Variants in PRKN observed in about 807,000 individuals in gnomAD.
PRKN encodes E3 ubiquitin-protein ligase parkin.
PRKN carries 56 observed loss-of-function variants against 59.5 expected under a neutral mutation model. The observed-to-expected ratio is 0.94, with a 90% CI of 0.76 to 1.18. PRKN has a LOEUF of 1.18. Ranked by LOEUF, PRKN falls within the 50% of genes most tolerant of loss-of-function variation. The pLI, the probability that PRKN is intolerant of heterozygous loss-of-function variation, is 0.00. For missense variants in PRKN, 657 were observed against 596.4 expected (o/e 1.10, Z -1.06); for synonymous variants, 250 against 222.1 (o/e 1.13, Z -1.12).
intron 7 of PRKN, among the ~76,000 whole-genome samples, chr6:161,620,157 A>AT (rs1226074668): frequency 0.029 from 3,972 of 135,604 alleles, 96 homozygotes; most frequent in African/African-American, 0.071. Context: ...TGCCCAGCTA[A>AT]TTTTTTTTTT....
At chr6:162,415,756 G>T (rs947211448) in intron 2 of PRKN, among the ~76,000 whole-genome samples, 4 of 152,140 alleles carry the variant, frequency 2.6e-5, no homozygotes, top group Admixed American at 6.5e-5. Context: ...GGCAGAGGAT[G>T]CAGTGAGCCC....
chr6:161,565,320 C>T (rs1780600210), intron 8 of PRKN, among the ~76,000 whole-genome samples: 1 of 152,068 alleles, frequency 6.6e-6, no homozygotes, highest in South Asian at 2.1e-4. Flanking sequence ...AACCATTTCC[C>T]AAGTTTATTC....
At chr6:161,537,149 A>T (rs1779443861) in intron 9 of PRKN, among the ~76,000 whole-genome samples, 1 of 152,258 alleles carries the variant, frequency 6.6e-6, no homozygotes, top group South Asian at 2.1e-4. Flanking sequence ...CTTTCCAAAT[A>T]GCAGCTATCT....
At chr6:162,147,253 G>T (rs1212365585) in intron 4 of PRKN, among the ~76,000 whole-genome samples, 2 of 147,514 alleles carry the variant, frequency 1.4e-5, no homozygotes, top group African/African-American at 5.0e-5. Flanking sequence ...TAAGGTGGGA[G>T]AATCATTTGA....
chr6:162,410,653 T>C (rs938326066), intron 2 of PRKN, among the ~76,000 whole-genome samples: 48 of 152,332 alleles, frequency 3.2e-4, no homozygotes, highest in African/African-American at 1.1e-3. Flanking sequence ...AATTTTTCCC[T>C]GTCATTTACA....
chr6:161,611,822 T>C (rs1315195039), intron 7 of PRKN, among the ~76,000 whole-genome samples: 7 of 152,212 alleles, frequency 4.6e-5, no homozygotes, highest in Admixed American at 1.3e-4. Context: ...TGTCAAGTTC[T>C]AGATCTCTTG....
At chr6:161,382,883 C>T (rs992115140) in intron 10 of PRKN, among the ~76,000 whole-genome samples, 20 of 152,162 alleles carry the variant, frequency 1.3e-4, no homozygotes, top group African/African-American at 4.8e-4. Flanking sequence ...GCTCTCCTGG[C>T]TGGAGCATGT....
At chr6:161,624,811 T>C (rs1413881450) in intron 7 of PRKN, among the ~76,000 whole-genome samples, 1 of 152,252 alleles carries the variant, frequency 6.6e-6, no homozygotes, top group African/African-American at 2.4e-5. Flanking sequence ...AAAGGAATGA[T>C]GCTGCTACTA....
intron 1 of PRKN, among the ~76,000 whole-genome samples, chr6:162,690,072 T>C (rs1207521952): frequency 2.6e-4 from 6 of 23,346 alleles, no homozygotes; most frequent in Non-Finnish European, 5.4e-4. Context: ...TGAAGATATA[T>C]TGTTATTAGA....
chr6:162,138,567 T>TA (rs1193843022), intron 4 of PRKN, among the ~76,000 whole-genome samples: 1 of 151,746 alleles, frequency 6.6e-6, no homozygotes, highest in African/African-American at 2.4e-5. Flanking sequence ...ATCAATCAAT[T>TA]AAAAAAGATC....
At chr6:161,934,941 A>G (rs1779298505) in intron 6 of PRKN, among the ~76,000 whole-genome samples, 1 of 152,132 alleles carries the variant, frequency 6.6e-6, no homozygotes, top group Non-Finnish European at 1.5e-5. Context: ...CAACTTATAA[A>G]TAGATGCTAG....
rs1789400328 is a variant in PRKN, at chr6:161,444,596, G to A, written c.1084-57719C>T. Among the ~76,000 whole-genome samples, 1 of 152,238 alleles carries A rather than the reference G, an allele frequency of 6.6e-6. No homozygotes were observed. The highest frequency in any genetic ancestry group is 2.4e-5 in the African/African-American group (1 of 41,458). On this transcript the variant is annotated intron_variant, in intron 9 of 11. Transcript: ENST00000366898. This position sits in a 1 kb window ranked among gnomAD's most constrained non-coding sequence, Gnocchi z 5.6. ...AGCAAATATTAATTGACGTGGTGAG[G>A]TTGTGCTCTGAAAAGCTGAGTTCCT...
intron 7 of PRKN, among the ~76,000 whole-genome samples, chr6:161,603,539 C>T (rs55868193): frequency 0.014 from 2,198 of 152,258 alleles, 58 homozygotes; most frequent in African/African-American, 0.048. Context: ...AATTTTAATA[C>T]GCCTTAGTTT....
At chr6:162,185,851 T>C (rs1206222680) in intron 4 of PRKN, among the ~76,000 whole-genome samples, 1 of 152,148 alleles carries the variant, frequency 6.6e-6, no homozygotes, top group Non-Finnish European at 1.5e-5. Flanking sequence ...TTTAAAATAT[T>C]TTAAATGCCT....
intron 4 of PRKN, among the ~76,000 whole-genome samples, chr6:162,139,015 G>C (rs748474051): frequency 6.6e-6 from 1 of 152,198 alleles, no homozygotes; most frequent in South Asian, 2.1e-4. Context: ...AAGCAAGAGT[G>C]GGGGCTAAGA....
intron 3 of PRKN, among the ~76,000 whole-genome samples, chr6:162,216,358 G>A (rs1777650977): frequency 2.0e-5 from 3 of 150,756 alleles, no homozygotes; most frequent in Admixed American, 2.0e-4. Context: ...GTGAAACCCC[G>A]TCTCTACTAA....
At chr6:161,501,218 G>A (rs6940073) in intron 9 of PRKN, among the ~76,000 whole-genome samples, 49,346 of 152,024 alleles carry the variant, frequency 0.32, 8,241 homozygotes, top group Middle Eastern at 0.4. Flanking sequence ...CAAAGAGACT[G>A]TACCATTTTG....
At chr6:162,011,850 C>T (rs1302638700) in intron 5 of PRKN, among the ~76,000 whole-genome samples, 1 of 151,200 alleles carries the variant, frequency 6.6e-6, no homozygotes. Flanking sequence ...TTTACTTCTA[C>T]ATATAAAATT....
At position 161,581,075 on chromosome 6, in the gene PRKN, C is replaced by CACACACACACACAA. The variant is rs949539871; in HGVS notation, c.872-11660_872-11659insTTGTGTGTGTGTGT. Among the ~76,000 whole-genome samples the CACACACACACACAA allele has an allele frequency of 2.0e-5, 3 of 150,674 alleles. No homozygotes were observed. In the East Asian group the frequency reaches 5.9e-4, roughly 29 times the overall value. The stretch of plus-strand genomic sequence containing the variant: ...ACACACACACACACACACACACACA[C>CACACACACACACAA]AAAATAGCCAGGCGTGGTGGCATGC... On this transcript the variant is annotated intron_variant, in intron 7 of 11. Transcript: ENST00000366898. The surrounding 1 kb of genome is among the most constrained non-coding windows in gnomAD (Gnocchi z 4.5).
Sources: gnomAD v4.1 joint callset for allele counts (sites outside exome capture counted in the v4.1 genomes callset) on GRCh38, gnomAD v4.1.1 for gene constraint, Gnocchi (gnomAD v3.1) non-coding constraint, MANE v1.5 for transcripts, NCBI Gene and HGNC (gene_info 2026-07-23, HGNC 2026-07-21) for gene names.